KANK2: variants seen among roughly 807,000 people sequenced by gnomAD.
The protein encoded by KANK2 is KN motif and ankyrin repeat domains 2, also known as KN motif and ankyrin repeat domain-containing protein 2.
A neutral mutation model predicts 74.6 loss-of-function variants in KANK2; 41 were observed. The observed-to-expected ratio is 0.55, with a 90% CI of 0.43 to 0.71. KANK2 has a LOEUF of 0.71. Among genes scored for constraint, KANK2 ranks in the 30% least tolerant of loss-of-function variants. KANK2 has a pLI of 0.00. For missense variants in KANK2, 1,148 were observed against 1,196.4 expected (o/e 0.96, Z 0.60); for synonymous variants, 537 against 519.0 (o/e 1.03, Z -0.47).
At chr19:11,197,109 G>C (rs2079042939) in intron 1 of KANK2, 1 of 152,484 alleles carries the variant, frequency 6.6e-6, no homozygotes, top group Non-Finnish European at 1.5e-5. Flanking sequence ...GAGGGCGAGG[G>C]GGGACAGTGC....
intron 4 of KANK2, among the ~76,000 whole-genome samples, chr19:11,179,113 C>A (rs1003229273): frequency 6.6e-6 from 1 of 150,964 alleles, no homozygotes; most frequent in Admixed American, 6.6e-5. Context: ...ATCAGAAGTT[C>A]GAGACCAGCC....
intron 4 of KANK2, among the ~76,000 whole-genome samples, chr19:11,180,090 G>A (rs2078469533): frequency 6.6e-6 from 1 of 152,290 alleles, no homozygotes; most frequent in Middle Eastern, 3.4e-3. Flanking sequence ...TTGAACTCCT[G>A]AGCTCAAGTG....
intron 4 of KANK2, among the ~76,000 whole-genome samples, chr19:11,179,053 T>G (rs1335462049): frequency 1.3e-5 from 2 of 152,118 alleles, no homozygotes; most frequent in African/African-American, 4.8e-5. Flanking sequence ...CGGTGACTCA[T>G]GCCTGTAATC....
intron 12 of KANK2, 163 bp downstream of exon 12, chr19:11,169,714 T>C: frequency 1.6e-6 from 1 of 622,220 alleles, no homozygotes; most frequent in Non-Finnish European, 2.9e-6. Context: ...GGCAGCAGAA[T>C]GGCTTGAAGC....
At chr19:11,188,294 C>T (rs1447074202) in intron 4 of KANK2, among the ~76,000 whole-genome samples, 1 of 151,936 alleles carries the variant, frequency 6.6e-6, no homozygotes, top group Non-Finnish European at 1.5e-5. Context: ...CTGCAATTTC[C>T]GCCTCCCCGG....
chr19:11,187,373 AT>A (rs111303058), intron 4 of KANK2, among the ~76,000 whole-genome samples: 2 of 151,996 alleles, frequency 1.3e-5, no homozygotes, highest in Non-Finnish European at 2.9e-5. Flanking sequence ...ACAGAAAGAG[AT>A]TTTTTTCTGA....
In KANK2 at chr19:11,193,596, C is replaced by G. The variant is rs758504321; in HGVS notation, c.484G>C (p.Val162Leu). 1.7e-5 allele frequency: 27 copies of G among 1,584,378 alleles called. No homozygotes were observed. The highest frequency in any genetic ancestry group is 2.0e-5 in the Non-Finnish European group (23 of 1,166,856). ...AAGSTASLVG[V>L]GLPPPTPRSS... ...CGTGGTGTCGGGGGTGGCAACCCCACGCCCACCAGGGAGGCTGTCGAGCCG... is the reference window on the plus strand; with the variant it reads ...CGTGGTGTCGGGGGTGGCAACCCCAGGCCCACCAGGGAGGCTGTCGAGCCG... The change falls in exon 4 of 13, where the codon GTG becomes CTG. Residue 162 changes from valine (V) to leucine (L), a missense_variant. Physicochemically the swap from Val to Leu is conservative, Grantham distance 32. Transcript: ENST00000586659. This position sits in a 1 kb window ranked among gnomAD's most constrained non-coding sequence, Gnocchi z 9.6.
chr19:11,189,776 G>A (rs749395562), intron 4 of KANK2, among the ~76,000 whole-genome samples: 30 of 152,134 alleles, frequency 2.0e-4, no homozygotes, highest in Admixed American at 8.5e-4. Flanking sequence ...GGTGGACATC[G>A]CTATGTCTGT....
At chr19:11,179,582 G>A (rs2078452496) in intron 4 of KANK2, among the ~76,000 whole-genome samples, 1 of 151,346 alleles carries the variant, frequency 6.6e-6, no homozygotes, top group Admixed American at 6.6e-5. Context: ...AGGTTGCAGT[G>A]AGCAGAGATC....
chr19:11,172,198 A>G (rs564747775), intron 10 of KANK2, among the ~76,000 whole-genome samples: 1 of 151,480 alleles, frequency 6.6e-6, no homozygotes, highest in Admixed American at 6.6e-5. Context: ...GCTGGTCTTG[A>G]ACTTCTGACC....
chr19:11,176,012 G>A (rs1027752400), intron 7 of KANK2, 23 bp from the exon 8 acceptor site: 8 of 1,600,524 alleles, frequency 5.0e-6, no homozygotes, highest in Non-Finnish European at 6.8e-6. Context: ...GACAAAGCGG[G>A]GAACTAAGTA....
chr19:11,185,530 C>T (rs2078650898), intron 4 of KANK2, among the ~76,000 whole-genome samples: 1 of 149,570 alleles, frequency 6.7e-6, no homozygotes, highest in Non-Finnish European at 1.5e-5. Flanking sequence ...ACGTAAAAAT[C>T]ATTCTTAGCT....
At chr19:11,182,128 C>G (rs1247287193) in intron 4 of KANK2, among the ~76,000 whole-genome samples, 1 of 151,864 alleles carries the variant, frequency 6.6e-6, no homozygotes, top group Non-Finnish European at 1.5e-5. Flanking sequence ...GTTGGCCAGG[C>G]TGGTCTTGAA....
At chr19:11,169,380 C>T (rs1429341180) in intron 12 of KANK2, among the ~76,000 whole-genome samples, 2 of 152,058 alleles carry the variant, frequency 1.3e-5, no homozygotes, top group African/African-American at 4.8e-5. Flanking sequence ...TGGTGACGTG[C>T]GCCTGTAGTC....
At position 11,192,681 on chromosome 19, in the gene KANK2, C is replaced by T. The variant is rs577495607; in HGVS notation, c.1249+150G>A. On this transcript the variant is annotated intron_variant, in intron 4 of 12. Transcript: ENST00000586659. ...AACTCCTGACCTCAAGTGATCTGCC[C>T]GCCTCGGCCTCCCAAAGTGCTGGGA... The T allele has an allele frequency of 1.7e-4, 155 of 897,998 alleles. No individual in the cohort carries two copies. In the East Asian group the frequency reaches 2.3e-3, roughly 13 times the overall value. 55.6% of individuals were successfully genotyped at this position (897,998 alleles called of 1,614,324 possible). A position where few individuals can be genotyped will look rare whatever the true frequency, so the allele number is the denominator to read the frequency against.
Position 11,193,419 on chromosome 19 carries a change from C to G in KANK2, c.661G>C (p.Glu221Gln). 6.2e-7 allele frequency: 1 copy of G among 1,612,580 alleles called. No homozygotes were observed. The change falls in exon 4 of 13, where the codon GAG (glutamate) becomes CAG (glutamine). Residue 221 changes from glutamate to glutamine, a missense_variant. Physicochemically the swap from Glu to Gln is conservative, Grantham distance 29 (BLOSUM62 2). Coordinates refer to ENST00000586659, the MANE Select transcript of KANK2 (RefSeq NM_001136191.3). This position sits in a 1 kb window ranked among gnomAD's most constrained non-coding sequence, Gnocchi z 9.6. The stretch of plus-strand genomic sequence containing the variant: ...TGTACTGTGAGCTGCCGCTTTTCCT[C>G]CTGGAGCACCGAGAGCTTCACCTGG... Reference protein sequence around the residue: ...VLQVKLSVLQEEKRQLTVQLK... With the variant: ...VLQVKLSVLQQEKRQLTVQLK...
rs946008420 is a variant in KANK2 at position 11,193,086 on chromosome 19, C to T, written c.994G>A (p.Val332Met). Residue 332 changes from valine (V) to methionine (M), a missense_variant, in exon 4 of 13, where the codon GTG (valine) becomes ATG (methionine). By Grantham distance (21) the Val-to-Met change is conservative (BLOSUM62 1). Transcript: ENST00000586659. The surrounding 1 kb of genome is among the most constrained non-coding windows in gnomAD (Gnocchi z 9.6). ...DSPVRVDTVR[V>M]VEGPREVEVV... ...TCCACCTCCCGTGGCCCTTCTACCACCCGGACTGTATCCACGCGGACCGGG... is the reference window on the plus strand; with the variant it reads ...TCCACCTCCCGTGGCCCTTCTACCATCCGGACTGTATCCACGCGGACCGGG... The T allele has an allele frequency of 4.3e-6, 7 of 1,609,414 alleles. No homozygotes were observed. The African/African-American group carries it at 9.4e-5, about 22-fold the overall frequency.
chr19:11,191,133 C>T lies in KANK2; in HGVS notation c.1249+1698G>A, dbSNP rs146678412. Among the ~76,000 whole-genome samples the T allele has an allele frequency of 7.1e-3, 1,083 of 151,880 alleles. 12 individuals are homozygous for T. Among genetic ancestry groups the T allele is most frequent in the African/African-American group, 0.025 (1,037 of 41,404 alleles). On this transcript the variant is annotated intron_variant, in intron 4 of 12. Coordinates refer to ENST00000586659, the MANE Select transcript of KANK2 (RefSeq NM_001136191.3). Reference sequence around the variant, plus strand: ...TTGGCTCACTGCAACCTCCGCCTCCCGGGTTCAAGCGATTCTCCTGCCTCA... The same window carrying T: ...TTGGCTCACTGCAACCTCCGCCTCCTGGGTTCAAGCGATTCTCCTGCCTCA...
At chr19:11,189,519 G>A (rs1289645936) in intron 4 of KANK2, among the ~76,000 whole-genome samples, 1 of 137,892 alleles carries the variant, frequency 7.3e-6, no homozygotes, top group Admixed American at 8.1e-5. Flanking sequence ...CAGAAGAATC[G>A]CTTGAACTCG....
Sources: allele counts gnomAD v4.1 joint callset (sites outside exome capture counted in the v4.1 genomes callset), GRCh38; gene constraint gnomAD v4.1.1; non-coding constraint Gnocchi (gnomAD v3.1); transcripts MANE v1.5; gene names NCBI Gene and HGNC (gene_info 2026-07-23, HGNC 2026-07-21).